Variants in EEFSEC observed in about 807,000 individuals in gnomAD.
The protein encoded by EEFSEC is selenocysteine-specific elongation factor.
Under a neutral mutation model 42.1 loss-of-function variants are expected in EEFSEC, and 43 were observed. That is an observed-to-expected ratio of 1.02 (90% CI 0.80 to 1.32). The LOEUF (loss-of-function observed/expected upper bound fraction) is 1.32, where lower values mean the gene tolerates loss of function less well. Among genes scored for constraint, EEFSEC ranks in the 40% most tolerant of loss-of-function variants. The pLI is 0.00. For synonymous variants in EEFSEC, 354 were observed against 339.1 expected (o/e 1.04, Z -0.48); for missense variants, 745 against 803.6 (o/e 0.93, Z 0.88).
downstream of EEFSEC, among the ~76,000 whole-genome samples, chr3:128,413,250 G>C (rs987914313): frequency 6.6e-6 from 1 of 152,170 alleles, no homozygotes; most frequent in Non-Finnish European, 1.5e-5. Context: ...AAACTTGAGA[G>C]GAGAGGTACG....
intron 2 of EEFSEC, among the ~76,000 whole-genome samples, chr3:128,255,409 G>A (rs972351516): frequency 6.6e-6 from 1 of 152,170 alleles, no homozygotes; most frequent in Admixed American, 6.5e-5. Flanking sequence ...TGACCACTGG[G>A]AGCTGCTCTT....
intron 1 of EEFSEC, among the ~76,000 whole-genome samples, chr3:128,234,305 G>A (rs62271749): frequency 0.35 from 52,991 of 151,914 alleles, 11,283 homozygotes; most frequent in Non-Finnish European, 0.47. Context: ...CTCCCACCTC[G>A]GCCTCCCAAA....
intron 5 of EEFSEC, among the ~76,000 whole-genome samples, chr3:128,346,302 C>A (rs746879678): frequency 6.6e-6 from 1 of 152,234 alleles, no homozygotes; most frequent in African/African-American, 2.4e-5. Context: ...AATTAACTTA[C>A]CATTGGTAAA....
intron 6 of EEFSEC, among the ~76,000 whole-genome samples, chr3:128,382,435 G>A (rs977176525): frequency 1.3e-5 from 2 of 152,182 alleles, no homozygotes; most frequent in African/African-American, 4.8e-5. Flanking sequence ...GTGCGCCTAC[G>A]TCTATGTGTG....
intron 6 of EEFSEC, among the ~76,000 whole-genome samples, chr3:128,358,793 C>G (rs1301586019): frequency 1.3e-5 from 2 of 152,146 alleles, no homozygotes; most frequent in African/African-American, 4.8e-5. Context: ...AGTTGTCACC[C>G]TCCTTTGCCC....
At chr3:128,313,279 A>G (rs1366442607) in intron 4 of EEFSEC, among the ~76,000 whole-genome samples, 1 of 152,224 alleles carries the variant, frequency 6.6e-6, no homozygotes, top group Non-Finnish European at 1.5e-5. Flanking sequence ...TTGTCTGGGT[A>G]ACCATTTGTG....
At chr3:128,397,980 C>A (rs1017387567) in intron 6 of EEFSEC, among the ~76,000 whole-genome samples, 3 of 152,250 alleles carry the variant, frequency 2.0e-5, no homozygotes, top group African/African-American at 7.2e-5. Flanking sequence ...CTGCTCACCC[C>A]CCAGCCTCTG....
At chr3:128,225,489 C>T (rs1470317442) in intron 1 of EEFSEC, among the ~76,000 whole-genome samples, 2 of 152,266 alleles carry the variant, frequency 1.3e-5, no homozygotes, top group Non-Finnish European at 2.9e-5. Context: ...CTTGACCTCT[C>T]TGACTGAGTT....
intron 4 of EEFSEC, among the ~76,000 whole-genome samples, chr3:128,331,811 G>C (rs1484171437): frequency 6.6e-6 from 1 of 152,162 alleles, no homozygotes. Context: ...CAGGTGCTGG[G>C]GAGGGTGTGG....
At chr3:128,193,911 A>G (rs1236958711) in intron 1 of EEFSEC, among the ~76,000 whole-genome samples, 1 of 152,228 alleles carries the variant, frequency 6.6e-6, no homozygotes. Context: ...CAGTATAGTT[A>G]TCTAAGTGAG....
chr3:128,296,179 G>A (rs2066704203), intron 4 of EEFSEC, among the ~76,000 whole-genome samples: 4 of 152,146 alleles, frequency 2.6e-5, no homozygotes, highest in Admixed American at 2.6e-4. Flanking sequence ...GCCCACACTA[G>A]GATGTCCCGA....
the EEFSEC span, among the ~76,000 whole-genome samples, chr3:128,418,829 G>T: frequency 6.6e-6 from 1 of 152,116 alleles, no homozygotes; most frequent in South Asian, 2.1e-4. Flanking sequence ...AGTTGGGGTT[G>T]GTCACCCCTC....
intron 1 of EEFSEC, among the ~76,000 whole-genome samples, chr3:128,200,592 A>C (rs1394228261): frequency 6.6e-6 from 1 of 152,222 alleles, no homozygotes; most frequent in Non-Finnish European, 1.5e-5. Context: ...CCAGCCTTCT[A>C]ACATGAATCT....
intron 1 of EEFSEC, among the ~76,000 whole-genome samples, chr3:128,176,477 G>A (rs1470774195): frequency 6.6e-6 from 1 of 152,096 alleles, no homozygotes; most frequent in African/African-American, 2.4e-5. Context: ...CTTGTCTGCC[G>A]GGAGAGACCA....
chr3:128,392,360 G>A (rs556642018), intron 6 of EEFSEC, among the ~76,000 whole-genome samples: 2 of 152,346 alleles, frequency 1.3e-5, no homozygotes, highest in Non-Finnish European at 2.9e-5. Context: ...TCCTCACCGG[G>A]GAGCAGGGTT....
At chr3:128,410,538 G>C (rs556978137), downstream of EEFSEC, among the ~76,000 whole-genome samples, 1 of 152,310 alleles carries the variant, frequency 6.6e-6, no homozygotes, top group African/African-American at 2.4e-5. Context: ...GAATGTGGCT[G>C]CCGCCACCAG....
intron 4 of EEFSEC, among the ~76,000 whole-genome samples, chr3:128,289,871 C>G (rs2066624972): frequency 6.6e-6 from 1 of 152,184 alleles, no homozygotes; most frequent in South Asian, 2.1e-4. Context: ...TGTGGATTGG[C>G]CATCCCATAA....
chr3:128,351,353 T>C (rs1344223608), intron 5 of EEFSEC, among the ~76,000 whole-genome samples: 1 of 152,206 alleles, frequency 6.6e-6, no homozygotes, highest in Non-Finnish European at 1.5e-5. Flanking sequence ...AAGTCTTAGG[T>C]GTTATCATCA....
At chr3:128,235,709 C>T (rs1445854008) in intron 1 of EEFSEC, among the ~76,000 whole-genome samples, 1 of 152,214 alleles carries the variant, frequency 6.6e-6, no homozygotes, top group South Asian at 2.1e-4. Flanking sequence ...GTTTTATGTA[C>T]ATGTCATGGT....
Sources: allele counts gnomAD v4.1 joint callset (sites outside exome capture counted in the v4.1 genomes callset), GRCh38; gene constraint gnomAD v4.1.1; transcripts MANE v1.5; gene names NCBI Gene and HGNC (gene_info 2026-07-23, HGNC 2026-07-21).